ZNF324: variants seen among roughly 807,000 people sequenced by gnomAD.
The protein encoded by ZNF324 is zinc finger protein 324, also known as zinc finger protein 324A.
ZNF324 carries 3 observed loss-of-function variants against 10.3 expected under a neutral mutation model. The observed-to-expected ratio is 0.29, with a 90% CI of 0.13 to 0.75. The LOEUF (loss-of-function observed/expected upper bound fraction) is 0.75, where lower values mean the gene tolerates loss of function less well. ZNF324 is among the 30% of genes least tolerant of loss of function. ZNF324 has a pLI of 0.69. For synonymous variants in ZNF324, 430 were observed against 339.5 expected (o/e 1.27, Z -2.93); for missense variants, 763 against 784.4 (o/e 0.97, Z 0.33).
At chr19:58,469,142 C>G (rs1158712325) in intron 1 of ZNF324, 38 bp from the exon 2 acceptor site, 3 of 1,613,878 alleles carry the variant, frequency 1.9e-6, no homozygotes, top group Non-Finnish European at 2.5e-6. Context: ...ATAACCCAGC[C>G]TTAGACCATG....
At position 58,472,074 on chromosome 19, in the gene ZNF324, T is replaced by C. The variant is rs113119239; in HGVS notation, c.1582T>C (p.Ser528Pro). ...PQARSVAGAS[S>P]EGAPAKETEP... ...GGCCAGGTCTGTTGCCGGGGCATCA[T>C]CAGAAGGTGCGCCAGCGAAGGAAAC... is the stretch of plus-strand genomic sequence containing the variant. Residue 528 changes from serine (S) to proline (P), a missense_variant, in exon 4 of 4, where the codon TCA becomes CCA. By Grantham distance (74) the Ser-to-Pro change is moderately conservative (BLOSUM62 -1). Transcript: ENST00000196482. 1 of 1,603,070 alleles carries C rather than the reference T, an allele frequency of 6.2e-7. No homozygotes were observed. The highest frequency in any genetic ancestry group is 8.5e-7 in the Non-Finnish European group (1 of 1,177,076).
At position 58,471,695 on chromosome 19, in the gene ZNF324, C is replaced by T. The variant is rs369240502; in HGVS notation, c.1203C>T (p.Leu401=). 4 of 1,612,286 alleles carry T rather than the reference C, an allele frequency of 2.5e-6. No homozygotes were observed. The African/African-American group carries it at 4.0e-5, about 16-fold the overall frequency. ...HTGEKPFVCA[L]CGAAFSQGSS... Reference sequence around the variant, plus strand: ...GCGAGAAGCCCTTCGTGTGCGCGCTCTGCGGTGCTGCCTTCAGCCAGGGCT... The same window carrying T: ...GCGAGAAGCCCTTCGTGTGCGCGCTTTGCGGTGCTGCCTTCAGCCAGGGCT... Residue 401 remains leucine (L), a synonymous_variant, in exon 4 of 4, where the codon CTC becomes CTT. Transcript: ENST00000196482.
intron 1 of ZNF324, chr19:58,468,105 G>T: frequency 8.8e-6 from 7 of 793,854 alleles, no homozygotes; most frequent in Non-Finnish European, 9.2e-6. Context: ...CCTGGAAGAA[G>T]AGAGCTGCTG....
chr19:58,468,262 T>A, intron 1 of ZNF324: 1 of 984,910 alleles, frequency 1.0e-6, no homozygotes, highest in South Asian at 4.7e-5. Flanking sequence ...GACTGAGGAA[T>A]GGGCAGGGAC....
rs2053064223 is a variant in ZNF324, at chr19:58,474,469, C to CA, written c.*2317dup. 1 of 152,214 alleles carries CA rather than the reference C, an allele frequency of 6.6e-6. No individual in the cohort carries two copies. Among genetic ancestry groups the CA allele is most frequent in the African/African-American group, 2.4e-5 (1 of 41,380 alleles). 9.4% of individuals were successfully genotyped at this position (152,214 alleles called of 1,614,324 possible). A position where few individuals can be genotyped will look rare whatever the true frequency, so the allele number is the denominator to read the frequency against. ...CTTCCCACCAGCCGCCTCCCTCCAT[C>CA]AAGTTCCTTTCCACGTCTGCTTGTG... On this transcript the variant is annotated 3_prime_UTR_variant, in exon 4 of 4. Transcript: ENST00000196482.
rs1401117000 is a variant in ZNF324, at chr19:58,473,004, C to G, written c.*850C>G. On this transcript the variant is annotated 3_prime_UTR_variant, in exon 4 of 4. Coordinates refer to ENST00000196482, the MANE Select transcript of ZNF324 (RefSeq NM_014347.3). ...CTAGGATGATGGCTTTCCGGTGGCA[C>G]TCGTTCAGGTTTTTGCCCAAGTCTC... The G allele has an allele frequency of 6.5e-6, 1 of 152,694 alleles. No individual in the cohort carries two copies. The highest frequency in any genetic ancestry group is 1.9e-4 in the East Asian group (1 of 5,196). 9.5% of individuals were successfully genotyped at this position (152,694 alleles called of 1,614,324 possible).
chr19:58,467,784 A>T (rs1333865668), intron 1 of ZNF324: 1 of 151,634 alleles, frequency 6.6e-6, no homozygotes, highest in East Asian at 1.9e-4. Context: ...AGCTCTCTCG[A>T]TGTGGAGCTG....
chr19:58,472,138 A>G lies in ZNF324; in HGVS notation c.1646A>G (p.Gln549Arg). 6.3e-7 allele frequency: 1 copy of G among 1,583,114 alleles called. No individual in the cohort carries two copies. The highest frequency in any genetic ancestry group is 8.6e-7 in the Non-Finnish European group (1 of 1,166,108). Reference protein sequence around the residue: ...TPASGPAAVSQPAEV With the variant: ...TPASGPAAVSRPAEV Reference sequence around the variant, plus strand: ...GCCTCGGGCCCAGCCGCCGTCTCGCAGCCAGCGGAGGTCTGAGGTCACAGG... The same window carrying G: ...GCCTCGGGCCCAGCCGCCGTCTCGCGGCCAGCGGAGGTCTGAGGTCACAGG... The change falls in exon 4 of 4, where the codon CAG (glutamine) becomes CGG (arginine). Residue 549 changes from glutamine to arginine, a missense_variant. This residue lies in a region of ZNF324 where 231 missense variants were observed against 196.0 expected (regional missense o/e 1.18). Transcript: ENST00000196482.
At chr19:58,470,261 G>A (rs934713687) in intron 3 of ZNF324, among the ~76,000 whole-genome samples, 2 of 152,108 alleles carry the variant, frequency 1.3e-5, no homozygotes, top group African/African-American at 4.8e-5. Context: ...CCCTGGTCCT[G>A]CTTTTCTGGG....
At position 58,471,076 on chromosome 19, in the gene ZNF324, A is replaced by G. The variant is rs1220992698; in HGVS notation, c.584A>G (p.Gln195Arg). Reference protein sequence around the residue: ...LGRQPRTPERQKPCAQEVPGR... With the variant: ...LGRQPRTPERRKPCAQEVPGR... ...AGGCAGCCCAGGACGCCTGAGCGGC[A>G]GAAACCATGTGCACAGGAGGTCCCT... is the stretch of plus-strand genomic sequence containing the variant. The change falls in exon 4 of 4, where the codon CAG (glutamine) becomes CGG (arginine). Residue 195 changes from glutamine (Q) to arginine (R), a missense_variant. Gln to Arg is a conservative substitution (Grantham distance 43, BLOSUM62 1). Coordinates refer to ENST00000196482, the MANE Select transcript of ZNF324 (RefSeq NM_014347.3). 1 of 1,613,878 alleles carries G rather than the reference A, an allele frequency of 6.2e-7. No homozygotes were observed. The highest frequency in any genetic ancestry group is 1.1e-5 in the South Asian group (1 of 91,082).
At position 58,474,465 on chromosome 19, in the gene ZNF324, CCAT is replaced by C. The variant is rs1456216125; in HGVS notation, c.*2314_*2316del. 6.6e-6 allele frequency: 1 copy of C among 152,206 alleles called. No individual in the cohort carries two copies. The highest frequency in any genetic ancestry group is 1.5e-5 in the Non-Finnish European group (1 of 68,126). 9.4% of individuals were successfully genotyped at this position (152,206 alleles called of 1,614,324 possible). ...TTGTCTTCCCACCAGCCGCCTCCCT[CCAT>C]CAAGTTCCTTTCCACGTCTGCTTGT... On this transcript the variant is annotated 3_prime_UTR_variant, in exon 4 of 4. Transcript: ENST00000196482.
In ZNF324 at chr19:58,472,043, C is replaced by G. The variant is rs754269217; in HGVS notation, c.1551C>G (p.His517Gln). The G allele has an allele frequency of 1.2e-6, 2 of 1,606,380 alleles. No homozygotes were observed. Among genetic ancestry groups the G allele is most frequent in the Middle Eastern group, 1.7e-4 (1 of 6,058 alleles). The change falls in exon 4 of 4, where the codon CAC becomes CAG. Residue 517 changes from histidine (H) to glutamine (Q), a missense_variant. His to Gln is a conservative substitution (Grantham distance 24). Coordinates refer to ENST00000196482, the MANE Select transcript of ZNF324 (RefSeq NM_014347.3). ...TCCGGCGATCCAGGGCCAGCCTGCA[C>G]CCCCAGGCCAGGTCTGTTGCCGGGG... ...KTVRRSRASL[H>Q]PQARSVAGAS...
intron 1 of ZNF324, 65 bp from the exon 2 acceptor site, chr19:58,469,115 G>A: frequency 6.2e-7 from 1 of 1,609,838 alleles, no homozygotes; most frequent in Non-Finnish European, 8.5e-7. Context: ...TGTGGCCCAG[G>A]GAAGCCAAAA....
At position 58,472,301 on chromosome 19, in the gene ZNF324, G is replaced by A. The variant is rs2053043984; in HGVS notation, c.*147G>A. 2 of 878,136 alleles carry A rather than the reference G, an allele frequency of 2.3e-6. No individual in the cohort carries two copies. The highest frequency in any genetic ancestry group is 3.4e-6 in the Non-Finnish European group (2 of 594,944). The allele number at this position is 878,136 out of a possible 1,614,324, so 54.4% of individuals were successfully genotyped here. On this transcript the variant is annotated 3_prime_UTR_variant, in exon 4 of 4. Transcript: ENST00000196482. Reference sequence around the variant, plus strand: ...TTTGGCTGTGATTTCATTTGCACGTGGGGACAGGATTTGCCAGTTCACCCA... The same window carrying A: ...TTTGGCTGTGATTTCATTTGCACGTAGGGACAGGATTTGCCAGTTCACCCA...
rs1173073216 is a variant in ZNF324, at chr19:58,469,715, C to T, written c.122-13C>T. On this transcript the variant is annotated splice_polypyrimidine_tract_variant and intron_variant, in intron 2 of 3. Transcript: ENST00000196482. Reference sequence around the variant, plus strand: ...GCTGGGGCTGGACTCTAACCTGCACCTCCTCCTCACAGGACTCTCCACCTC... The same window carrying T: ...GCTGGGGCTGGACTCTAACCTGCACTTCCTCCTCACAGGACTCTCCACCTC... The T allele has an allele frequency of 1.3e-6, 2 of 1,562,056 alleles. No homozygotes were observed. Among genetic ancestry groups the T allele is most frequent in the African/African-American group, 1.4e-5 (1 of 73,810 alleles).
intron 2 of ZNF324, 28 bp downstream of exon 2, chr19:58,469,334 G>C: frequency 6.2e-7 from 1 of 1,609,958 alleles, no homozygotes; most frequent in Non-Finnish European, 8.5e-7. Flanking sequence ...CCATGAAATG[G>C]GCAACTGATA....
chr19:58,471,266 A>G lies in ZNF324; in HGVS notation c.774A>G (p.Glu258=). The G allele has an allele frequency of 3.1e-6, 5 of 1,613,574 alleles. No homozygotes were observed. The highest frequency in any genetic ancestry group is 4.2e-6 in the Non-Finnish European group (5 of 1,179,924). The part of the protein sequence containing the change: ...EALHAGEKSF[E]CRACSKVFVK... Reference sequence around the variant, plus strand: ...TTCACGCTGGGGAGAAGTCCTTCGAATGCAGGGCGTGCAGCAAAGTGTTCG... The same window carrying G: ...TTCACGCTGGGGAGAAGTCCTTCGAGTGCAGGGCGTGCAGCAAAGTGTTCG... The change falls in exon 4 of 4, where the codon GAA becomes GAG. Residue 258 remains glutamate (E), a synonymous_variant. Transcript: ENST00000196482.
At position 58,471,601 on chromosome 19, in the gene ZNF324, C is replaced by T. The variant is rs746805389; in HGVS notation, c.1109C>T (p.Ala370Val). Reference protein sequence around the residue: ...RKIHAGGRPYACAQCGRRFCR... With the variant: ...RKIHAGGRPYVCAQCGRRFCR... ...ATCCACGCGGGTGGGCGTCCTTATG[C>T]TTGCGCACAGTGTGGCCGCCGCTTC... The change falls in exon 4 of 4, where the codon GCT becomes GTT. Residue 370 changes from alanine to valine, a missense_variant. Coordinates refer to ENST00000196482, the MANE Select transcript of ZNF324 (RefSeq NM_014347.3). The T allele has an allele frequency of 3.5e-5, 56 of 1,605,538 alleles. No individual in the cohort carries two copies. In the South Asian group the frequency reaches 5.7e-4, roughly 16 times the overall value.
At chr19:58,470,393 C>CG (rs1417573687) in intron 3 of ZNF324, 30 of 272,434 alleles carry the variant, frequency 1.1e-4, no homozygotes, top group East Asian at 7.7e-5. Flanking sequence ...GGGACAGGGG[C>CG]GGGGGGAAGG....
Sources: gnomAD v4.1 joint callset for allele counts (sites outside exome capture counted in the v4.1 genomes callset) on GRCh38, gnomAD v4.1.1 for gene constraint, gnomAD v4.1.1 regional missense constraint, MANE v1.5 for transcripts, NCBI Gene and HGNC (gene_info 2026-07-23, HGNC 2026-07-21) for gene names.